The following NAV2 variants were observed in gnomAD, a reference collection of about 807,000 sequenced individuals.
The protein encoded by NAV2 is neuron navigator 2.
In NAV2, 54 loss-of-function variants were observed where a neutral mutation model predicts 223.2. That is an observed-to-expected ratio of 0.24 (90% CI 0.19 to 0.30). NAV2 has a LOEUF of 0.30. NAV2 is among the 10% of genes least tolerant of loss of function. The pLI is 1.00. For missense variants in NAV2, 2,806 were observed against 3,147.5 expected, an observed-to-expected ratio of 0.89 and a Z score of 2.60; for synonymous variants, 1,279 against 1,239.3, an observed-to-expected ratio of 1.03 and a Z score of -0.67.
intron 10 of NAV2, among the ~76,000 whole-genome samples, chr11:19,960,974 G>A (rs1192689977): frequency 6.6e-6 from 1 of 152,098 alleles, no homozygotes; most frequent in African/African-American, 2.4e-5. Context: ...TCTACTCAGT[G>A]TTATGCAAAT....
In NAV2 at chr11:19,998,955, G is replaced by A. The variant is rs114299079; in HGVS notation, c.2768+14708G>A. ...ATAAGACAGAAACCAGGTCAGCTCC[G>A]TTTGCAGGTGAATCCCCTCTCCCAG... is the stretch of plus-strand genomic sequence containing the variant. On this transcript the variant is annotated intron_variant, in intron 11 of 37. Coordinates refer to ENST00000349880, the MANE Select transcript of NAV2 (RefSeq NM_145117.5). The surrounding 1 kb of genome is among the most constrained non-coding windows in gnomAD (Gnocchi z 5.0). Among the ~76,000 whole-genome samples, 1,195 of 152,324 alleles carry A rather than the reference G, an allele frequency of 7.8e-3. 16 individuals carry two copies. The highest frequency in any genetic ancestry group is 0.027 in the African/African-American group (1,106 of 41,566).
At chr11:19,771,984 G>T (rs1201989654) in intron 1 of NAV2, among the ~76,000 whole-genome samples, 1 of 152,124 alleles carries the variant, frequency 6.6e-6, no homozygotes, top group East Asian at 1.9e-4. Flanking sequence ...GAGGGGAGAC[G>T]GCACCTCTTG....
At chr11:19,606,078 C>G (rs918068149) in intron 1 of NAV2, among the ~76,000 whole-genome samples, 1 of 152,168 alleles carries the variant, frequency 6.6e-6, no homozygotes, top group Non-Finnish European at 1.5e-5. Context: ...CACTTAAGTG[C>G]TCAGAATTAC....
intron 1 of NAV2, among the ~76,000 whole-genome samples, chr11:19,746,769 A>C (rs1373292659): frequency 1.3e-5 from 2 of 151,978 alleles, no homozygotes; most frequent in African/African-American, 2.4e-5. Flanking sequence ...AATGTCCAGG[A>C]TGCCCCCTAA....
At chr11:19,484,388 C>G (rs2042376891) in intron 1 of NAV2, among the ~76,000 whole-genome samples, 1 of 152,232 alleles carries the variant, frequency 6.6e-6, no homozygotes, top group African/African-American at 2.4e-5. Context: ...AAAGCTCTGG[C>G]TGTTAGAAAG....
chr11:19,396,291 A>G (rs1352858508), intron 1 of NAV2, among the ~76,000 whole-genome samples: 8 of 152,166 alleles, frequency 5.3e-5, no homozygotes. Context: ...ATTATCCAAG[A>G]TCGCATGGTG....
At chr11:19,545,671 C>T (rs77162661) in intron 1 of NAV2, among the ~76,000 whole-genome samples, 1,953 of 152,092 alleles carry the variant, frequency 0.013, 36 homozygotes, top group Middle Eastern at 0.037. Context: ...TCTCCTAAGA[C>T]GAGCTTGTCC....
At chr11:19,421,622 A>G (rs1286480956) in intron 1 of NAV2, among the ~76,000 whole-genome samples, 1 of 152,232 alleles carries the variant, frequency 6.6e-6, no homozygotes, top group Non-Finnish European at 1.5e-5. Context: ...AAGTATTAGC[A>G]TATGTGATAT....
chr11:19,778,272 C>G (rs1335801611), intron 1 of NAV2: 8 of 440,252 alleles, frequency 1.8e-5, no homozygotes, highest in Non-Finnish European at 3.6e-5. Context: ...CCATAATTCC[C>G]CCATTAAAGT....
At chr11:19,371,527 G>C (rs1339061223) in intron 1 of NAV2, among the ~76,000 whole-genome samples, 1 of 152,208 alleles carries the variant, frequency 6.6e-6, no homozygotes, top group African/African-American at 2.4e-5. Context: ...ACCAGGGATT[G>C]TGCTGTGTGC....
intron 1 of NAV2, among the ~76,000 whole-genome samples, chr11:19,753,023 C>G (rs560367008): frequency 1.6e-3 from 240 of 152,242 alleles, no homozygotes; most frequent in African/African-American, 5.7e-3. Context: ...ATTCTTTCCA[C>G]CATGTGAAAA....
chr11:19,735,523 A>T (rs928089085), intron 1 of NAV2, among the ~76,000 whole-genome samples: 7 of 152,230 alleles, frequency 4.6e-5, no homozygotes, highest in African/African-American at 1.7e-4. Context: ...AATCAGCACT[A>T]TTATTCACCC....
chr11:19,377,671 A>AAAGATG (rs535837641), intron 1 of NAV2, among the ~76,000 whole-genome samples: 1 of 151,640 alleles, frequency 6.6e-6, no homozygotes, highest in Non-Finnish European at 1.5e-5. Context: ...GAGATTTCCA[A>AAAGATG]CCTGAATGGG....
chr11:19,558,578 C>T (rs1002548625), intron 1 of NAV2, among the ~76,000 whole-genome samples: 6 of 152,358 alleles, frequency 3.9e-5, no homozygotes, highest in African/African-American at 1.4e-4. Context: ...AGTCAAACCA[C>T]CTTCCTATGG....
chr11:19,581,523 C>T (rs568482794), intron 1 of NAV2, among the ~76,000 whole-genome samples: 3 of 152,168 alleles, frequency 2.0e-5, no homozygotes, highest in East Asian at 1.9e-4. Context: ...CCCTCTCCCC[C>T]ACCCCACAAC....
At chr11:20,103,835 T>C in intron 34 of NAV2, 111 bp downstream of exon 34, 1 of 950,508 alleles carries the variant, frequency 1.1e-6, no homozygotes, top group Non-Finnish European at 1.7e-6. Context: ...CTAGGTATTG[T>C]TAAGCATTTT....
intron 6 of NAV2, among the ~76,000 whole-genome samples, chr11:19,912,485 C>G (rs576074216): frequency 2.6e-4 from 39 of 152,270 alleles, no homozygotes; most frequent in African/African-American, 9.1e-4. Flanking sequence ...CGCCCCTTAC[C>G]CAGCCCCATG....
intron 1 of NAV2, among the ~76,000 whole-genome samples, chr11:19,674,823 GT>G (rs1247660223): frequency 6.6e-6 from 1 of 152,196 alleles, no homozygotes; most frequent in Non-Finnish European, 1.5e-5. Flanking sequence ...GTAAGAGGCA[GT>G]AGCTATTAGG....
intron 1 of NAV2, among the ~76,000 whole-genome samples, chr11:19,434,169 C>A (rs1359157515): frequency 1.3e-5 from 2 of 151,300 alleles, no homozygotes; most frequent in African/African-American, 4.8e-5. Flanking sequence ...TTATAAGAAA[C>A]AGAAGATGTG....
Sources: allele counts gnomAD v4.1 joint callset (sites outside exome capture counted in the v4.1 genomes callset), GRCh38; gene constraint gnomAD v4.1.1; non-coding constraint Gnocchi (gnomAD v3.1); transcripts MANE v1.5; gene names NCBI Gene and HGNC (gene_info 2026-07-23, HGNC 2026-07-21).